BLTP3B: variants seen among roughly 807,000 people sequenced by gnomAD.
BLTP3B encodes the protein bridge-like lipid transfer protein family member 3B.
the BLTP3B span, among the ~76,000 whole-genome samples, chr12:100,140,729 A>AAAATAT: frequency 1.5e-4 from 9 of 61,490 alleles, no homozygotes; most frequent in African/African-American, 5.1e-4. Flanking sequence ...AAAAAAAAAA[A>AAAATAT]ATATATATAT....
the BLTP3B span, among the ~76,000 whole-genome samples, chr12:100,118,532 A>G: frequency 6.6e-6 from 1 of 152,232 alleles, no homozygotes; most frequent in Non-Finnish European, 1.5e-5. Flanking sequence ...CATGGAATAG[A>G]AAAAGGACAT....
chr12:100,141,333 A>ATATACACATATATATGTGTAGTG, the BLTP3B span, among the ~76,000 whole-genome samples: 12 of 149,430 alleles, frequency 8.0e-5, no homozygotes, highest in East Asian at 3.9e-4. Context: ...AATACTACAT[A>ATATACACATATATATGTGTAGTG]TATACACATA....
chr12:100,065,506 G>A, the BLTP3B span, among the ~76,000 whole-genome samples: 2 of 152,134 alleles, frequency 1.3e-5, no homozygotes, highest in Non-Finnish European at 2.9e-5. Flanking sequence ...GAAAGGAATT[G>A]CATTCCTGGG....
chr12:100,119,053 G>C, the BLTP3B span, among the ~76,000 whole-genome samples: 8 of 152,200 alleles, frequency 5.3e-5, no homozygotes, highest in African/African-American at 1.9e-4. Context: ...AGTGAGCCGA[G>C]ATCGCGCCAC....
the BLTP3B span, among the ~76,000 whole-genome samples, chr12:100,078,271 T>C: frequency 6.6e-6 from 1 of 152,198 alleles, no homozygotes; most frequent in Non-Finnish European, 1.5e-5. Flanking sequence ...GCTTTTGCCA[T>C]GTGACGTGCC....
the BLTP3B span, chr12:100,058,317 C>G: frequency 2.2e-5 from 36 of 1,613,756 alleles, no homozygotes; most frequent in African/African-American, 4.8e-4. Flanking sequence ...TCCTGAGCCA[C>G]TTTTGTAAAC....
chr12:100,140,723 AAAAAAAATATAT>A, the BLTP3B span, among the ~76,000 whole-genome samples: 7 of 97,980 alleles, frequency 7.1e-5, no homozygotes, highest in African/African-American at 1.1e-4. Flanking sequence ...AAAAAAAAAA[AAAAAAAATATAT>A]ATATATATAT....
the BLTP3B span, among the ~76,000 whole-genome samples, chr12:100,130,982 GGAGAGAGAGAGAGA>G: frequency 7.3e-3 from 454 of 62,170 alleles, 3 homozygotes; most frequent in African/African-American, 0.021. Flanking sequence ...AGAGAGGGAG[GGAGAGAGAGAGAGA>G]GAGAGAGAGA....
chr12:100,070,272 T>C, the BLTP3B span: 2 of 1,341,362 alleles, frequency 1.5e-6, no homozygotes, highest in Non-Finnish European at 1.9e-6. Flanking sequence ...CAGAAGGTTT[T>C]TTATTTTTAA....
the BLTP3B span, among the ~76,000 whole-genome samples, chr12:100,141,083 G>A: frequency 1.3e-5 from 2 of 151,902 alleles, no homozygotes; most frequent in African/African-American, 2.4e-5. Flanking sequence ...AGAAAGGCGG[G>A]AGGACATAAA....
the BLTP3B span, among the ~76,000 whole-genome samples, chr12:100,130,953 T>C: frequency 4.0e-3 from 382 of 95,070 alleles, no homozygotes; most frequent in Non-Finnish European, 5.3e-3. Flanking sequence ...TACATACATA[T>C]ATATATATAG....
At chr12:100,048,176 T>C in the BLTP3B span, 1 of 1,594,932 alleles carries the variant, frequency 6.3e-7, no homozygotes, top group South Asian at 1.2e-5. Context: ...TTGGAATGAA[T>C]TACAGCTTTC....
the BLTP3B span, among the ~76,000 whole-genome samples, chr12:100,070,833 T>C: frequency 6.6e-6 from 1 of 151,522 alleles, no homozygotes; most frequent in Non-Finnish European, 1.5e-5. Context: ...ACCTCACCTC[T>C]ACTAAAAAAA....
the BLTP3B span, among the ~76,000 whole-genome samples, chr12:100,067,788 G>A: frequency 6.6e-6 from 1 of 151,756 alleles, no homozygotes; most frequent in South Asian, 2.1e-4. Context: ...ACCTCTACAA[G>A]GAAAACTACA....
the BLTP3B span, among the ~76,000 whole-genome samples, chr12:100,038,747 G>C: frequency 2.8e-3 from 433 of 152,194 alleles, no homozygotes; most frequent in Middle Eastern, 0.02. Flanking sequence ...GGCTATATTA[G>C]AGCAAATATA....
chr12:100,118,837 T>A, the BLTP3B span, among the ~76,000 whole-genome samples: 1 of 152,240 alleles, frequency 6.6e-6, no homozygotes, highest in Non-Finnish European at 1.5e-5. Flanking sequence ...GTGTTGCGGT[T>A]CATGCCTGTA....
chr12:100,047,369 G>A, the BLTP3B span, among the ~76,000 whole-genome samples: 1 of 152,098 alleles, frequency 6.6e-6, no homozygotes, highest in African/African-American at 2.4e-5. Context: ...GTGTTGACAG[G>A]CACCTGTAAT....
At chr12:100,130,982 G>GGA in the BLTP3B span, among the ~76,000 whole-genome samples, 3,324 of 61,726 alleles carry the variant, frequency 0.054, 179 homozygotes, top group South Asian at 0.069. Context: ...AGAGAGGGAG[G>GGA]GAGAGAGAGA....
At chr12:100,115,902 C>T in the BLTP3B span, among the ~76,000 whole-genome samples, 18 of 152,228 alleles carry the variant, frequency 1.2e-4, no homozygotes, top group Admixed American at 8.5e-4. Flanking sequence ...CTAGGCCAGG[C>T]GAGGTGGCTC....
Sources: allele counts gnomAD v4.1 joint callset (sites outside exome capture counted in the v4.1 genomes callset), GRCh38; gene constraint gnomAD v4.1.1; transcripts MANE v1.5; gene names NCBI Gene and HGNC (gene_info 2026-07-23, HGNC 2026-07-21).